UBE2R2: variants seen among roughly 807,000 people sequenced by gnomAD.
The protein encoded by UBE2R2 is ubiquitin-conjugating enzyme E2 R2.
In UBE2R2, 1 loss-of-function variant was observed where a neutral mutation model predicts 27.8. That is an observed-to-expected ratio of 0.04 (90% CI 0.01 to 0.17). The LOEUF (loss-of-function observed/expected upper bound fraction) is 0.17. UBE2R2 is among the 10% of genes least tolerant of loss of function. UBE2R2 has a pLI of 1.00. For missense variants in UBE2R2, 100 were observed against 291.0 expected (o/e 0.34, Z 4.78); for synonymous variants, 106 against 113.3 (o/e 0.94, Z 0.41).
intron 1 of UBE2R2, among the ~76,000 whole-genome samples, chr9:33,860,119 TA>T (rs1222697299): frequency 0.011 from 1,232 of 113,736 alleles, 14 homozygotes; most frequent in East Asian, 0.065. Flanking sequence ...TTTTTTTTTT[TA>T]AAAAAATAGC....
At chr9:33,895,207 A>G (rs1208368947) in intron 2 of UBE2R2, among the ~76,000 whole-genome samples, 4 of 152,036 alleles carry the variant, frequency 2.6e-5, no homozygotes, top group African/African-American at 7.2e-5. Flanking sequence ...TCTTTGATCT[A>G]TTTTCAGTTA....
chr9:33,849,380 T>A (rs915256949), intron 1 of UBE2R2, among the ~76,000 whole-genome samples: 4 of 152,206 alleles, frequency 2.6e-5, no homozygotes, highest in African/African-American at 9.7e-5. Context: ...AACATATATA[T>A]GTATACCGAA....
At chr9:33,876,847 C>T (rs1258995925) in intron 1 of UBE2R2, among the ~76,000 whole-genome samples, 2 of 151,746 alleles carry the variant, frequency 1.3e-5, no homozygotes, top group Non-Finnish European at 2.9e-5. Flanking sequence ...ACTCGGGAGG[C>T]GGAGCTTGCA....
At chr9:33,846,996 C>CT (rs35224386) in intron 1 of UBE2R2, among the ~76,000 whole-genome samples, 46,941 of 125,948 alleles carry the variant, frequency 0.37, 8,223 homozygotes, top group South Asian at 0.47. Context: ...CTTTATTTTG[C>CT]TTTTTTTTTT....
At chr9:33,818,213 G>A (rs1181359191) in intron 1 of UBE2R2, among the ~76,000 whole-genome samples, 1 of 152,132 alleles carries the variant, frequency 6.6e-6, no homozygotes, top group Non-Finnish European at 1.5e-5. Context: ...GGGCGGAGGA[G>A]GCCGCCTTTG....
intron 1 of UBE2R2, among the ~76,000 whole-genome samples, chr9:33,822,730 A>AT (rs149599575): frequency 1.0e-4 from 15 of 148,372 alleles, no homozygotes; most frequent in East Asian, 8.1e-4. Flanking sequence ...CAGCCAAATA[A>AT]TTTTTTTTTT....
At chr9:33,849,209 A>G (rs939573030) in intron 1 of UBE2R2, among the ~76,000 whole-genome samples, 5 of 152,210 alleles carry the variant, frequency 3.3e-5, no homozygotes, top group Middle Eastern at 3.4e-3. Flanking sequence ...GTGAGCCGAG[A>G]TCTCGCCATT....
chr9:33,885,487 T>TG (rs1388987484), intron 1 of UBE2R2, among the ~76,000 whole-genome samples: 4 of 152,224 alleles, frequency 2.6e-5, no homozygotes, highest in African/African-American at 9.6e-5. Context: ...TAGACAGCCT[T>TG]GCAAGTGGAG....
chr9:33,817,982 G>T, intron 1 of UBE2R2, 48 bp downstream of exon 1: 1 of 1,563,948 alleles, frequency 6.4e-7, no homozygotes, highest in African/African-American at 1.4e-5. Context: ...CGAGGCCTCC[G>T]GCTCCCCGCC....
chr9:33,899,106 AT>A (rs1822188124), intron 2 of UBE2R2, among the ~76,000 whole-genome samples: 2 of 152,120 alleles, frequency 1.3e-5, no homozygotes, highest in African/African-American at 4.8e-5. Flanking sequence ...AAGGTTAGAT[AT>A]TTTTTCTTCC....
chr9:33,861,479 G>A (rs1821234998), intron 1 of UBE2R2, among the ~76,000 whole-genome samples: 1 of 151,952 alleles, frequency 6.6e-6, no homozygotes, highest in South Asian at 2.1e-4. Context: ...ATGAGGCTGA[G>A]GCACACGAAT....
rs532753340 is a variant in UBE2R2 at position 33,851,384 on chromosome 9, A to G, written c.177+33450A>G. Among the ~76,000 whole-genome samples, 5 of 152,334 alleles carry G rather than the reference A, an allele frequency of 3.3e-5. No individual in the cohort carries two copies. The South Asian group carries it at 8.3e-4, about 25-fold the overall frequency. On this transcript the variant is annotated intron_variant, in intron 1 of 4. Transcript: ENST00000263228. ...CAGCCCCCATTTAGTTTTGTCAGTTATAATAATGTTCTTCATAGCAGAAGG... is the reference window on the plus strand; with the variant it reads ...CAGCCCCCATTTAGTTTTGTCAGTTGTAATAATGTTCTTCATAGCAGAAGG...
chr9:33,834,431 C>T (rs1055614423), intron 1 of UBE2R2, among the ~76,000 whole-genome samples: 4 of 151,584 alleles, frequency 2.6e-5, no homozygotes, highest in Admixed American at 1.3e-4. Context: ...AGGCTGGTCT[C>T]GCACTCCTGA....
At chr9:33,841,115 CT>C (rs1820724892) in intron 1 of UBE2R2, among the ~76,000 whole-genome samples, 1 of 151,658 alleles carries the variant, frequency 6.6e-6, no homozygotes, top group African/African-American at 2.4e-5. Flanking sequence ...CGAAGTCTTG[CT>C]TTATCCCCCA....
chr9:33,904,230 A>G (rs1822304433), intron 3 of UBE2R2, among the ~76,000 whole-genome samples: 1 of 152,230 alleles, frequency 6.6e-6, no homozygotes, highest in Non-Finnish European at 1.5e-5. Flanking sequence ...TATGGCACTG[A>G]AATATTAAGA....
intron 4 of UBE2R2, among the ~76,000 whole-genome samples, chr9:33,913,876 A>G (rs1330726833): frequency 4.6e-5 from 7 of 152,212 alleles, no homozygotes; most frequent in Non-Finnish European, 8.8e-5. Context: ...GTGTGTATAT[A>G]TATCTCACCT....
intron 1 of UBE2R2, among the ~76,000 whole-genome samples, chr9:33,864,943 T>TG (rs1221770027): frequency 6.6e-6 from 1 of 152,032 alleles, no homozygotes. Flanking sequence ...TGGCTGGTCT[T>TG]GAACTCCTGA....
intron 1 of UBE2R2, among the ~76,000 whole-genome samples, chr9:33,876,636 C>T (rs1197413805): frequency 1.3e-5 from 2 of 152,086 alleles, no homozygotes; most frequent in East Asian, 3.9e-4. Flanking sequence ...AATCATAAGG[C>T]CGGGGGCGGT....
chr9:33,830,066 G>A (rs1395133805), intron 1 of UBE2R2, among the ~76,000 whole-genome samples: 1 of 151,966 alleles, frequency 6.6e-6, no homozygotes, highest in Non-Finnish European at 1.5e-5. Context: ...CAAAGTGCTA[G>A]GATTACAGGC....
Sources: gnomAD v4.1 joint callset for allele counts (sites outside exome capture counted in the v4.1 genomes callset) on GRCh38, gnomAD v4.1.1 for gene constraint, MANE v1.5 for transcripts, NCBI Gene and HGNC (gene_info 2026-07-23, HGNC 2026-07-21) for gene names.